KIF6: variants seen among roughly 807,000 people sequenced by gnomAD.
KIF6 encodes kinesin family member 6.
A neutral mutation model predicts 112.7 loss-of-function variants in KIF6; 106 were observed. That is an observed-to-expected ratio of 0.94 (90% confidence interval 0.80 to 1.11). KIF6 has a LOEUF of 1.11. Ranked by LOEUF, KIF6 falls within the 50% of genes least tolerant of loss-of-function variation. The probability of loss-of-function intolerance (pLI) is 0.00; values close to 1 mark genes in which losing one functional copy is unlikely to be tolerated. For missense variants in KIF6, 929 were observed against 964.0 expected, an observed-to-expected ratio of 0.96 and a Z score of 0.48; for synonymous variants, 339 against 339.9, an observed-to-expected ratio of 1.00 and a Z score of 0.03.
Position 39,345,702 on chromosome 6 carries a change from G to A in KIF6, c.2319C>T (p.Asp773=). The A allele has an allele frequency of 1.2e-6, 2 of 1,612,844 alleles. No homozygotes were observed. Among genetic ancestry groups the A allele is most frequent in the Non-Finnish European group, 8.5e-7 (1 of 1,179,522 alleles). Reference sequence around the variant, plus strand: ...CATAACAGGAGAAGACCACAGACCTGTCTTCCAGTGGGGTGCTGGTGCTGC... The same window carrying A: ...CATAACAGGAGAAGACCACAGACCTATCTTCCAGTGGGGTGCTGGTGCTGC... ...KQSSTSTPLE[D]SIPKRPVSSI... The change falls in exon 21 of 23, where the codon GAC becomes GAT. Residue 773 remains aspartate (D), a splice_region_variant and synonymous_variant. Transcript: ENST00000287152.
chr6:39,428,648 C>T (rs1007248166), intron 14 of KIF6, among the ~76,000 whole-genome samples: 3 of 152,170 alleles, frequency 2.0e-5, no homozygotes, highest in African/African-American at 7.2e-5. Flanking sequence ...ATCTGGGACT[C>T]ATAAAGTATA....
intron 19 of KIF6, among the ~76,000 whole-genome samples, 158 bp from the exon 20 acceptor site, chr6:39,346,684 GT>G (rs1389427509): frequency 6.6e-6 from 1 of 151,884 alleles, no homozygotes; most frequent in African/African-American, 2.4e-5. Flanking sequence ...TTTCACTCTT[GT>G]TGCCCAAGCT....
At chr6:39,368,504 G>A (rs189247027) in intron 16 of KIF6, among the ~76,000 whole-genome samples, 2 of 152,304 alleles carry the variant, frequency 1.3e-5, no homozygotes, top group African/African-American at 4.8e-5. Context: ...GTATTGACTC[G>A]TCGTTGGTAT....
chr6:39,411,941 G>T (rs1309539427), intron 15 of KIF6, among the ~76,000 whole-genome samples: 1 of 152,132 alleles, frequency 6.6e-6, no homozygotes, highest in Non-Finnish European at 1.5e-5. Context: ...TAAATAAGTT[G>T]TCCCCCTGAT....
chr6:39,383,201 G>A (rs1014492971), intron 16 of KIF6, among the ~76,000 whole-genome samples: 10 of 152,216 alleles, frequency 6.6e-5, no homozygotes, highest in African/African-American at 2.4e-4. Flanking sequence ...TGATTTTGCT[G>A]CATTTGCTTT....
At chr6:39,491,156 A>G (rs1775460830) in intron 13 of KIF6, among the ~76,000 whole-genome samples, 1 of 152,110 alleles carries the variant, frequency 6.6e-6, no homozygotes, top group African/African-American at 2.4e-5. Context: ...AGGGGTTCTG[A>G]GGCTAGTTCC....
At chr6:39,369,381 C>T (rs1198634612) in intron 16 of KIF6, among the ~76,000 whole-genome samples, 1 of 152,182 alleles carries the variant, frequency 6.6e-6, no homozygotes, top group Admixed American at 6.5e-5. Flanking sequence ...ACCCCCACTG[C>T]CACAGACCCT....
chr6:39,628,775 A>G (rs1784217027), intron 5 of KIF6, among the ~76,000 whole-genome samples: 1 of 152,038 alleles, frequency 6.6e-6, no homozygotes, highest in South Asian at 2.1e-4. Flanking sequence ...CCACCATTAC[A>G]GTATCATATA....
At chr6:39,577,968 G>T in intron 10 of KIF6, 88 bp downstream of exon 10, 1 of 868,786 alleles carries the variant, frequency 1.2e-6, no homozygotes, top group Non-Finnish European at 1.9e-6. Flanking sequence ...TTCATGCTTT[G>T]AGGTGAATTC....
chr6:39,478,411 T>C (rs1190846872), intron 13 of KIF6, among the ~76,000 whole-genome samples: 1 of 152,198 alleles, frequency 6.6e-6, no homozygotes, highest in Non-Finnish European at 1.5e-5. Flanking sequence ...CCATCATATA[T>C]ATATCATGTC....
chr6:39,650,601 T>C (rs902920947), intron 3 of KIF6, among the ~76,000 whole-genome samples: 1 of 151,946 alleles, frequency 6.6e-6, no homozygotes, highest in Admixed American at 6.6e-5. Flanking sequence ...TTCTGACCAA[T>C]ATTTTTCCTA....
intron 13 of KIF6, among the ~76,000 whole-genome samples, chr6:39,448,552 T>C (rs774122938): frequency 1.3e-5 from 2 of 152,198 alleles, no homozygotes; most frequent in Non-Finnish European, 2.9e-5. Flanking sequence ...GTCTGACCAA[T>C]ATGCAGTCGG....
chr6:39,470,793 A>C (rs571391322), intron 13 of KIF6, among the ~76,000 whole-genome samples: 1 of 145,890 alleles, frequency 6.9e-6, no homozygotes, highest in Admixed American at 6.7e-5. Flanking sequence ...CCTTCCCAGC[A>C]TGCAAATGCA....
intron 3 of KIF6, among the ~76,000 whole-genome samples, chr6:39,677,384 A>G (rs1250640914): frequency 6.6e-6 from 1 of 152,142 alleles, no homozygotes; most frequent in East Asian, 1.9e-4. Context: ...TTGATAAATC[A>G]AACAGAAAAA....
At position 39,725,406 on chromosome 6, in the gene KIF6, A is replaced by G. The variant is rs1790490962; in HGVS notation, c.-96T>C. ...TCCGGCGACCCACAGTCTTAGCAAC[A>G]GTAGCTAGGGACACTACCCAGTGAG... On this transcript the variant is annotated 5_prime_UTR_variant, in exon 1 of 23. Transcript: ENST00000287152. 1 of 939,730 alleles carries G rather than the reference A, an allele frequency of 1.1e-6. No homozygotes were observed. The highest frequency in any genetic ancestry group is 1.7e-6 in the Non-Finnish European group (1 of 599,094). The allele number at this position is 939,730 out of a possible 1,614,324, so 58.2% of individuals were successfully genotyped here.
intron 3 of KIF6, among the ~76,000 whole-genome samples, chr6:39,711,806 C>T (rs1214546228): frequency 6.6e-6 from 1 of 152,030 alleles, no homozygotes; most frequent in African/African-American, 2.4e-5. Context: ...ATAATTCAGA[C>T]AGAAATATCA....
At chr6:39,601,918 A>G (rs1007575670) in intron 6 of KIF6, among the ~76,000 whole-genome samples, 1 of 152,202 alleles carries the variant, frequency 6.6e-6, no homozygotes, top group Middle Eastern at 3.4e-3. Flanking sequence ...ACATTCCCAG[A>G]AGACCACCTC....
At chr6:39,599,616 T>G (rs2150692886) in intron 6 of KIF6, among the ~76,000 whole-genome samples, 1 of 152,328 alleles carries the variant, frequency 6.6e-6, no homozygotes, top group Middle Eastern at 3.4e-3. Context: ...CAAACTCAAA[T>G]TTAGAACCTA....
chr6:39,720,733 C>A lies in KIF6; in HGVS notation c.145G>T (p.Val49Leu). Residue 49 changes from valine (V) to leucine (L), a missense_variant, in exon 2 of 23, where the codon GTG becomes TTG. Transcript: ENST00000287152. ...TTGTAGCTTTCTCGCTTATTATTCA[C>A]AAACCCATCTGCCAAATCACGTGGT... ...ILPRDLADGF[V>L]NNKRESYKFK... 6.2e-7 allele frequency: 1 copy of A among 1,606,532 alleles called. No individual in the cohort carries two copies. Among genetic ancestry groups the A allele is most frequent in the Non-Finnish European group, 8.5e-7 (1 of 1,173,370 alleles).
Sources: gnomAD v4.1 joint callset for allele counts (sites outside exome capture counted in the v4.1 genomes callset) on GRCh38, gnomAD v4.1.1 for gene constraint, MANE v1.5 for transcripts, NCBI Gene and HGNC (gene_info 2026-07-23, HGNC 2026-07-21) for gene names.